RHBDD1: variants seen among roughly 807,000 people sequenced by gnomAD.
The protein encoded by RHBDD1 is rhomboid-related protein 4.
In RHBDD1, 38 loss-of-function variants were observed where a neutral mutation model predicts 36.3. That is an observed-to-expected ratio of 1.05 (90% CI 0.81 to 1.37). The LOEUF (loss-of-function observed/expected upper bound fraction) is 1.37. RHBDD1 is among the 40% of genes most tolerant of loss of function. The pLI is 0.00. For missense variants in RHBDD1, 393 were observed against 377.6 expected (o/e 1.04, Z -0.34); for synonymous variants, 151 against 136.5 (o/e 1.11, Z -0.74).
chr2:226,922,994 TGTA>T (rs1298938180), intron 8 of RHBDD1, among the ~76,000 whole-genome samples: 3 of 152,328 alleles, frequency 2.0e-5, no homozygotes, highest in Non-Finnish European at 2.9e-5. Flanking sequence ...GAAAAATTGT[TGTA>T]GTTATTATTT....
Position 226,864,801 on chromosome 2 carries a change from C to T in RHBDD1, c.108C>T (p.Ala36=), listed in dbSNP as rs767845106. 1 of 1,614,116 alleles carries T rather than the reference C, an allele frequency of 6.2e-7. No homozygotes were observed. The highest frequency in any genetic ancestry group is 8.5e-7 in the Non-Finnish European group (1 of 1,180,022). ...NIPPVTLATL[A]LNIWFFLNPQ... is the part of the protein sequence containing the mutation. ...CACCTGTCACCCTAGCAACTTTGGC[C>T]CTCAACATCTGGTTCTTCTTGAACC... The change falls in exon 4 of 9, where the codon GCC becomes GCT. Residue 36 remains alanine, a synonymous_variant. Coordinates refer to ENST00000392062, the MANE Select transcript of RHBDD1 (RefSeq NM_001167608.3).
intron 3 of RHBDD1, among the ~76,000 whole-genome samples, chr2:226,852,529 G>A (rs1942908622): frequency 6.6e-6 from 1 of 151,982 alleles, no homozygotes; most frequent in African/African-American, 2.4e-5. Flanking sequence ...GTATATAACA[G>A]AAAAGCAGCT....
chr2:226,838,363 T>C (rs183677973), intron 2 of RHBDD1, among the ~76,000 whole-genome samples: 2 of 152,366 alleles, frequency 1.3e-5, no homozygotes, highest in Admixed American at 1.3e-4. Context: ...ATTAAATATT[T>C]TTTTTTGTTC....
At chr2:226,857,743 GA>G (rs1385058098) in intron 3 of RHBDD1, among the ~76,000 whole-genome samples, 1 of 152,188 alleles carries the variant, frequency 6.6e-6, no homozygotes, top group Non-Finnish European at 1.5e-5. Context: ...CATGGGGACA[GA>G]AAGTATTAAT....
intron 5 of RHBDD1, among the ~76,000 whole-genome samples, chr2:226,879,585 T>C (rs139245984): frequency 1.3e-5 from 2 of 152,324 alleles, no homozygotes; most frequent in Non-Finnish European, 2.9e-5. Context: ...AAAAGGGTTA[T>C]CTAGAGCAAA....
intron 3 of RHBDD1, among the ~76,000 whole-genome samples, chr2:226,848,371 A>G (rs930523829): frequency 1.3e-5 from 2 of 152,218 alleles, no homozygotes; most frequent in Admixed American, 6.5e-5. Context: ...TTCTTGGGAA[A>G]GACTATTCCT....
rs558700515 is a variant in RHBDD1, at chr2:226,892,114, T to C, written c.567-14679T>C. Among the ~76,000 whole-genome samples, 7 of 152,350 alleles carry C rather than the reference T, an allele frequency of 4.6e-5. No individual in the cohort carries two copies. In the East Asian group the frequency reaches 1.3e-3, roughly 29 times the overall value. On this transcript the variant is annotated intron_variant, in intron 5 of 8. Coordinates refer to ENST00000392062, the MANE Select transcript of RHBDD1 (RefSeq NM_001167608.3). Reference sequence around the variant, plus strand: ...CAAATGTTCAGCCTAGCAGCTTGTATTGCATAAGCAGATTCAGCTCAAATG... The same window carrying C: ...CAAATGTTCAGCCTAGCAGCTTGTACTGCATAAGCAGATTCAGCTCAAATG...
At chr2:226,816,766 G>C in the RHBDD1 span, among the ~76,000 whole-genome samples, 1 of 152,072 alleles carries the variant, frequency 6.6e-6, no homozygotes, top group Non-Finnish European at 1.5e-5. Flanking sequence ...CATGGTGGCA[G>C]GCACCTGTAA....
the RHBDD1 span, among the ~76,000 whole-genome samples, chr2:226,815,418 G>A: frequency 6.6e-6 from 1 of 152,046 alleles, no homozygotes; most frequent in Non-Finnish European, 1.5e-5. Context: ...ATGTAGTTTG[G>A]AGATTCTCTT....
intron 7 of RHBDD1, among the ~76,000 whole-genome samples, chr2:226,910,441 A>C (rs1948439520): frequency 6.6e-6 from 1 of 152,180 alleles, no homozygotes; most frequent in African/African-American, 2.4e-5. Flanking sequence ...TGTATATCTT[A>C]CAAGTAATGA....
At chr2:226,865,495 A>C (rs182833169) in intron 4 of RHBDD1, among the ~76,000 whole-genome samples, 1 of 152,156 alleles carries the variant, frequency 6.6e-6, no homozygotes, top group Admixed American at 6.5e-5. Flanking sequence ...GTCTCTGATT[A>C]CCAACTTGTC....
intron 8 of RHBDD1, among the ~76,000 whole-genome samples, chr2:226,941,442 G>A (rs139868184): frequency 5.3e-5 from 8 of 152,306 alleles, no homozygotes; most frequent in African/African-American, 1.9e-4. Flanking sequence ...AGGTGATGAA[G>A]TGTGAGAAAC....
chr2:226,863,806 G>C (rs970293490), intron 3 of RHBDD1, among the ~76,000 whole-genome samples: 1 of 152,202 alleles, frequency 6.6e-6, no homozygotes, highest in Non-Finnish European at 1.5e-5. Flanking sequence ...TGCCAGCCCA[G>C]GTCCAGCGGG....
At position 226,958,702 on chromosome 2, in the gene RHBDD1, C is replaced by CTGTGTGTGTGTGTG. The variant is rs10666758; in HGVS notation, c.857-36699_857-36686dup. Reference sequence around the variant, plus strand: ...TTTGAGTTTAGGATGAAGGATTTTTCTGTGTGTGTGTGTGTGTGTGTGTGT... The same window carrying CTGTGTGTGTGTGTG: ...TTTGAGTTTAGGATGAAGGATTTTTCTGTGTGTGTGTGTGTGTGTGTGTGTGTGTGTGTGTGTGT... On this transcript the variant is annotated intron_variant, in intron 8 of 8. Transcript: ENST00000392062. 5.8e-4 allele frequency among the ~76,000 whole-genome samples: 80 copies of CTGTGTGTGTGTGTG among 138,936 alleles called. 1 individual carries two copies. The highest frequency in any genetic ancestry group is 2.0e-3 in the African/African-American group (74 of 37,198). 91.1% of individuals were successfully genotyped at this position (138,936 alleles called of 152,430 possible).
chr2:226,835,632 CGGCAGAGAACCTG>C (rs1259148109), upstream of RHBDD1: 5 of 152,432 alleles, frequency 3.3e-5, no homozygotes, highest in South Asian at 1.0e-3. Flanking sequence ...CGAAGCTTCC[CGGCAGAGAACCTG>C]GGCAGAGGCG....
In RHBDD1 at chr2:226,904,417, G is replaced by A. The variant is rs554632429; in HGVS notation, c.567-2376G>A. Among the ~76,000 whole-genome samples, 10 of 148,462 alleles carry A rather than the reference G, an allele frequency of 6.7e-5. 1 individual carries two copies. The highest frequency in any genetic ancestry group is 4.5e-4 in the South Asian group (2 of 4,422). On this transcript the variant is annotated intron_variant, in intron 5 of 8. Transcript: ENST00000392062. ...CCACTGTGGCACATCCTGCAAGCGG[G>A]GGGGGAGGGGGGTCAGGGAACTCCT...
upstream of RHBDD1, among the ~76,000 whole-genome samples, chr2:226,834,455 T>C (rs1041014385): frequency 1.3e-5 from 2 of 152,250 alleles, no homozygotes; most frequent in East Asian, 1.9e-4. Flanking sequence ...AGGTAACTTA[T>C]GAGTCTTAAT....
rs758147531 is a variant in RHBDD1, at chr2:226,904,000, C to T, written c.567-2793C>T. On this transcript the variant is annotated intron_variant, in intron 5 of 8. Transcript: ENST00000392062. ...CCATCTTCCCACTCCATCCTTCTTC[C>T]ACCTCCCCATCCATCCCACTGGGAG... 3.9e-5 allele frequency among the ~76,000 whole-genome samples: 6 copies of T among 152,146 alleles called. No homozygotes were observed. The East Asian group carries it at 5.8e-4, about 15-fold the overall frequency.
chr2:226,808,429 T>G, the RHBDD1 span: 3 of 152,232 alleles, frequency 2.0e-5, no homozygotes, highest in Non-Finnish European at 4.4e-5. Context: ...ACAGTGTTGA[T>G]GGCTTGTCTG....
Sources: gnomAD v4.1 joint callset for allele counts (sites outside exome capture counted in the v4.1 genomes callset) on GRCh38, gnomAD v4.1.1 for gene constraint, MANE v1.5 for transcripts, NCBI Gene and HGNC (gene_info 2026-07-23, HGNC 2026-07-21) for gene names.